Variants in AFTPH observed in about 807,000 individuals in gnomAD.
AFTPH encodes aftiphilin, also known as aftiphilin protein.
AFTPH carries 7 observed loss-of-function variants against 72.5 expected under a neutral mutation model. That is an observed-to-expected ratio of 0.10 (90% CI 0.05 to 0.18). The LOEUF is 0.18. AFTPH is among the 10% of genes least tolerant of loss of function. AFTPH has a pLI of 1.00. For synonymous variants in AFTPH, 337 were observed against 370.1 expected, an observed-to-expected ratio of 0.91 and a Z score of 1.03; for missense variants, 979 against 1,060.5, an observed-to-expected ratio of 0.92 and a Z score of 1.07.
chr2:64,581,048 T>C, intron 7 of AFTPH, 142 bp from the exon 8 acceptor site: 1 of 567,288 alleles, frequency 1.8e-6, no homozygotes, highest in South Asian at 2.2e-5. Flanking sequence ...ATTGTTTTAA[T>C]GTTGATTTTT....
intron 2 of AFTPH, among the ~76,000 whole-genome samples, chr2:64,555,568 C>T (rs930500012): frequency 6.7e-6 from 1 of 150,330 alleles, no homozygotes; most frequent in Non-Finnish European, 1.5e-5. Context: ...CACACACACA[C>T]ACACACACAC....
chr2:64,529,681 G>C (rs898271172), intron 1 of AFTPH, among the ~76,000 whole-genome samples: 12 of 149,932 alleles, frequency 8.0e-5, no homozygotes, highest in Non-Finnish European at 1.5e-4. Flanking sequence ...CCAGGCTGGA[G>C]TACAGTGGAG....
At chr2:64,574,683 C>T (rs1282013786) in intron 6 of AFTPH, among the ~76,000 whole-genome samples, 2 of 152,208 alleles carry the variant, frequency 1.3e-5, no homozygotes, top group African/African-American at 2.4e-5. Context: ...ATTACTAGCA[C>T]TGAATTAGTG....
Position 64,551,361 on chromosome 2 carries a change from T to C in AFTPH, c.-32-82T>C, listed in dbSNP as rs1671036545. 3 of 1,120,148 alleles carry C rather than the reference T, an allele frequency of 2.7e-6. No homozygotes were observed. The South Asian group carries it at 5.0e-5, about 19-fold the overall frequency. The allele number at this position is 1,120,148 out of a possible 1,614,324, so 69.4% of individuals were successfully genotyped here. A position where few individuals can be genotyped will look rare whatever the true frequency, so the allele number is the denominator to read the frequency against. ...AGAGCATTGTAAATTTGCATTGTTT[T>C]AAAGTAGCTTTGAGAGAATTTTGAA... On this transcript the variant is annotated intron_variant, in intron 1 of 8. Transcript: ENST00000238856.
At chr2:64,579,461 T>G (rs1293025082) in intron 6 of AFTPH, 25 bp from the exon 7 acceptor site, 2 of 1,609,490 alleles carry the variant, frequency 1.2e-6, no homozygotes, top group East Asian at 4.5e-5. Context: ...CTGATTAATT[T>G]TGATTTTTTG....
chr2:64,585,797 C>A (rs564902527), intron 8 of AFTPH, among the ~76,000 whole-genome samples: 2 of 151,512 alleles, frequency 1.3e-5, no homozygotes, highest in South Asian at 2.1e-4. Context: ...CCTGCCCCCC[C>A]ACCTCACTTT....
In AFTPH at chr2:64,547,401, C is replaced by T. The variant is rs118114663; in HGVS notation, c.-32-4042C>T. Among the ~76,000 whole-genome samples, 33 of 152,256 alleles carry T rather than the reference C, an allele frequency of 2.2e-4. No homozygotes were observed. In the East Asian group the frequency reaches 6.0e-3, roughly 28 times the overall value. On this transcript the variant is annotated intron_variant, in intron 1 of 8. Coordinates refer to ENST00000238856, the Ensembl canonical transcript of AFTPH. ...TTGACAGGATATCCCAGAAGTGATC[C>T]TGTATTCTCATTGCATCTCATCAGG...
chr2:64,571,361 T>G (rs1186109530), intron 5 of AFTPH, among the ~76,000 whole-genome samples: 1 of 151,950 alleles, frequency 6.6e-6, no homozygotes, highest in East Asian at 1.9e-4. Flanking sequence ...TGATTGGGGA[T>G]CACAATTTGA....
chr2:64,563,294 G>A (rs1280628486), intron 2 of AFTPH, among the ~76,000 whole-genome samples: 4 of 152,030 alleles, frequency 2.6e-5, no homozygotes, highest in African/African-American at 9.7e-5. Flanking sequence ...TGATTGTATT[G>A]TAAAACAGAT....
chr2:64,559,727 CAG>C (rs1671600673), intron 2 of AFTPH, among the ~76,000 whole-genome samples: 1 of 152,140 alleles, frequency 6.6e-6, no homozygotes, highest in South Asian at 2.1e-4. Flanking sequence ...GTTTTTGAGA[CAG>C]GGTCCCATTC....
At chr2:64,552,568 G>T in exon 2 of AFTPH, 1 of 1,614,134 alleles carries the variant, frequency 6.2e-7, no homozygotes, top group East Asian at 2.2e-5. Flanking sequence ...ACTTCTAAAT[G>T]TGCTCACCTA....
chr2:64,592,815 G>C (rs1229991599), exon 9 of AFTPH: 3 of 152,532 alleles, frequency 2.0e-5, no homozygotes, highest in African/African-American at 4.8e-5. Context: ...CATAATCATA[G>C]ATTGCTATGG....
In AFTPH at chr2:64,557,968, C is replaced by T. The variant is rs369388083; in HGVS notation, c.1935+4559C>T. Reference sequence around the variant, plus strand: ...TCATGTTTAGATCTGGTGAATATTACAGCTGGTCACTCTTTATACAGCTTG... The same window carrying T: ...TCATGTTTAGATCTGGTGAATATTATAGCTGGTCACTCTTTATACAGCTTG... On this transcript the variant is annotated intron_variant, in intron 2 of 8. Coordinates refer to ENST00000238856, the Ensembl canonical transcript of AFTPH. Among the ~76,000 whole-genome samples the T allele has an allele frequency of 1.4e-4, 21 of 152,216 alleles. No individual in the cohort carries two copies. The South Asian group carries it at 3.7e-3, about 27-fold the overall frequency.
chr2:64,577,744 G>GT (rs891154979), intron 6 of AFTPH, among the ~76,000 whole-genome samples: 2 of 152,154 alleles, frequency 1.3e-5, no homozygotes, highest in African/African-American at 2.4e-5. Flanking sequence ...GTTTTCAGCA[G>GT]TTTTTTAACT....
chr2:64,552,237 G>A (rs746871941), exon 2 of AFTPH: 1 of 1,613,894 alleles, frequency 6.2e-7, no homozygotes, highest in Admixed American at 1.7e-5. Context: ...AGTTTTAAAT[G>A]ATAGAGAAGC....
intron 6 of AFTPH, among the ~76,000 whole-genome samples, chr2:64,578,631 C>T (rs911923521): frequency 3.3e-5 from 5 of 151,682 alleles, no homozygotes; most frequent in Admixed American, 1.3e-4. Flanking sequence ...GATCTCGGCT[C>T]ACTGCAACCT....
At chr2:64,591,797 G>GCTAA (rs1291166693) in intron 8 of AFTPH, 91 bp from the exon 10 acceptor site, 6 of 1,386,922 alleles carry the variant, frequency 4.3e-6, no homozygotes, top group Non-Finnish European at 6.0e-6. Flanking sequence ...CCCACAGATT[G>GCTAA]CTAACTGTCT....
chr2:64,542,521 A>G (rs1262850130), intron 1 of AFTPH, among the ~76,000 whole-genome samples: 1 of 152,072 alleles, frequency 6.6e-6, no homozygotes, highest in African/African-American at 2.4e-5. Flanking sequence ...CAAAACTTCC[A>G]TCTTTTAACA....
At chr2:64,564,634 AT>A (rs67376669) in intron 2 of AFTPH, among the ~76,000 whole-genome samples, 13,611 of 145,596 alleles carry the variant, frequency 0.093, 1,704 homozygotes, top group African/African-American at 0.28. Flanking sequence ...AAAATAAAAA[AT>A]AAAATAAATA....
Sources: allele counts gnomAD v4.1 joint callset (sites outside exome capture counted in the v4.1 genomes callset), GRCh38; gene constraint gnomAD v4.1.1; transcripts MANE v1.5; gene names NCBI Gene and HGNC (gene_info 2026-07-23, HGNC 2026-07-21).